SEMA3A: variants seen among roughly 807,000 people sequenced by gnomAD.
SEMA3A encodes the protein semaphorin-3A.
Under a neutral mutation model 97.9 loss-of-function variants are expected in SEMA3A, and 29 were observed. That is an observed-to-expected ratio of 0.30 (90% CI 0.22 to 0.40). The LOEUF (loss-of-function observed/expected upper bound fraction) is 0.40, where lower values mean the gene tolerates loss of function less well. Among genes scored for constraint, SEMA3A ranks in the 10% least tolerant of loss-of-function variants. SEMA3A has a pLI of 1.00. For missense variants in SEMA3A, 763 were observed against 951.3 expected, an observed-to-expected ratio of 0.80 and a Z score of 2.60; for synonymous variants, 321 against 323.7, an observed-to-expected ratio of 0.99 and a Z score of 0.09.
At chr7:84,471,255 A>AC (rs1806138421) in intron 1 of SEMA3A, among the ~76,000 whole-genome samples, 1 of 129,750 alleles carries the variant, frequency 7.7e-6, no homozygotes, top group East Asian at 2.9e-4. Context: ...TGGTTCCCAC[A>AC]CCCCCAACAG....
intron 6 of SEMA3A, among the ~76,000 whole-genome samples, chr7:84,034,722 A>G (rs556364160): frequency 3.9e-5 from 6 of 152,302 alleles, no homozygotes; most frequent in African/African-American, 1.2e-4. Flanking sequence ...GCTTATGACT[A>G]TAATGAAGTA....
chr7:84,351,658 A>G (rs1397621707), intron 2 of SEMA3A, among the ~76,000 whole-genome samples: 1 of 152,126 alleles, frequency 6.6e-6, no homozygotes, highest in Non-Finnish European at 1.5e-5. Context: ...TGAAAATCAA[A>G]ACTAAAATAG....
intron 5 of SEMA3A, among the ~76,000 whole-genome samples, chr7:84,054,784 T>G (rs374290333): frequency 1.4e-5 from 2 of 146,822 alleles, no homozygotes; most frequent in Admixed American, 1.4e-4. Flanking sequence ...GGCGCTCTGC[T>G]TTTTAGAGTT....
At chr7:84,047,186 A>G (rs1792388082) in intron 5 of SEMA3A, among the ~76,000 whole-genome samples, 1 of 152,024 alleles carries the variant, frequency 6.6e-6, no homozygotes. Flanking sequence ...TTTTTGACTC[A>G]TTGCTACTTA....
chr7:84,483,904 T>A (rs1217125312), intron 1 of SEMA3A, among the ~76,000 whole-genome samples: 1 of 151,668 alleles, frequency 6.6e-6, no homozygotes, highest in Non-Finnish European at 1.5e-5. Flanking sequence ...ATCAGCCAGG[T>A]GTGGTGGTGC....
intron 1 of SEMA3A, among the ~76,000 whole-genome samples, chr7:84,190,814 A>C (rs2116266620): frequency 6.7e-6 from 1 of 150,306 alleles, no homozygotes; most frequent in East Asian, 1.9e-4. Context: ...ATTGTGATTC[A>C]GAACTTGTAG....
At chr7:84,287,095 G>T (rs6951886) in intron 3 of SEMA3A, among the ~76,000 whole-genome samples, 8,463 of 151,972 alleles carry the variant, frequency 0.056, 376 homozygotes, top group Non-Finnish European at 0.074. Context: ...AATAAAGTTT[G>T]CATTACCTTA....
intron 4 of SEMA3A, among the ~76,000 whole-genome samples, chr7:84,087,315 C>T (rs1794412264): frequency 6.6e-6 from 1 of 151,942 alleles, no homozygotes; most frequent in Non-Finnish European, 1.5e-5. Context: ...GCAAAAAGTC[C>T]CATCTGCCTG....
In SEMA3A at chr7:84,282,965, GA is replaced by G. The variant is rs1800483482; in HGVS notation, c.-83+24241del. ...GAAGGTGGAGGTTGCAGCGAACAGAGATCACACCACTGCACTCTAGCCTGGG... is the reference window on the plus strand; with the variant it reads ...GAAGGTGGAGGTTGCAGCGAACAGAGTCACACCACTGCACTCTAGCCTGGG... On this transcript the variant is annotated intron_variant, in intron 3 of 3. Coordinates refer to the SEMA3A transcript ENST00000424555. 2.0e-5 allele frequency among the ~76,000 whole-genome samples: 3 copies of G among 152,018 alleles called. No individual in the cohort carries two copies. The East Asian group carries it at 5.8e-4, about 29-fold the overall frequency.
intron 2 of SEMA3A, among the ~76,000 whole-genome samples, chr7:84,134,507 G>T (rs570631451): frequency 6.6e-6 from 1 of 152,116 alleles, no homozygotes; most frequent in Non-Finnish European, 1.5e-5. Flanking sequence ...GTATTGCTAC[G>T]ATGGTTCAAG....
At chr7:84,334,852 CT>C (rs1339500792) in intron 2 of SEMA3A, among the ~76,000 whole-genome samples, 6 of 151,492 alleles carry the variant, frequency 4.0e-5, no homozygotes, top group South Asian at 2.1e-4. Context: ...GGCTCTTCCC[CT>C]GGCCCTGCCT....
In SEMA3A at chr7:84,491,151, T is replaced by C. The variant is rs1584361254; in HGVS notation, c.-246+1309A>G. 2.0e-5 allele frequency among the ~76,000 whole-genome samples: 3 copies of C among 152,238 alleles called. No individual in the cohort carries two copies. The South Asian group carries it at 6.2e-4, about 32-fold the overall frequency. ...CATCAGGATTCTACCGTCATGGCTT[T>C]TAAATCATCATTTTCAATGATGTCC... On this transcript the variant is annotated intron_variant, in intron 1 of 3. Transcript: ENST00000424555.
chr7:84,132,685 T>G (rs1796001729), intron 2 of SEMA3A, among the ~76,000 whole-genome samples: 1 of 138,168 alleles, frequency 7.2e-6, no homozygotes, highest in Admixed American at 7.4e-5. Flanking sequence ...TTTTTTTTTT[T>G]TTTTTTTTGA....
chr7:84,359,349 G>A (rs1282161215), intron 2 of SEMA3A, among the ~76,000 whole-genome samples: 2 of 151,832 alleles, frequency 1.3e-5, no homozygotes, highest in African/African-American at 2.4e-5. Flanking sequence ...TTAGCATGAA[G>A]GGTTGTTGAA....
At chr7:84,045,896 T>G (rs1792329108) in intron 6 of SEMA3A, among the ~76,000 whole-genome samples, 1 of 151,842 alleles carries the variant, frequency 6.6e-6, no homozygotes, top group Non-Finnish European at 1.5e-5. Context: ...TTATTCACAC[T>G]GCAATAACAT....
chr7:84,117,953 A>C (rs1795485781), intron 3 of SEMA3A, among the ~76,000 whole-genome samples: 1 of 152,214 alleles, frequency 6.6e-6, no homozygotes, highest in Admixed American at 6.5e-5. Flanking sequence ...TGGTTATCCA[A>C]TTCTTAAAAT....
chr7:84,341,823 G>C (rs1296056976), intron 2 of SEMA3A, among the ~76,000 whole-genome samples: 1 of 152,070 alleles, frequency 6.6e-6, no homozygotes, highest in Non-Finnish European at 1.5e-5. Flanking sequence ...CCACCTTTCA[G>C]ACTTTGAAAT....
intron 2 of SEMA3A, among the ~76,000 whole-genome samples, chr7:84,337,188 A>T (rs1042103692): frequency 6.6e-6 from 1 of 152,166 alleles, no homozygotes; most frequent in Non-Finnish European, 1.5e-5. Context: ...ACACAGCATT[A>T]ATAAATTTTA....
intron 12 of SEMA3A, among the ~76,000 whole-genome samples, chr7:83,989,321 T>G: frequency 6.6e-6 from 1 of 152,190 alleles, no homozygotes; most frequent in Middle Eastern, 3.4e-3. Flanking sequence ...AGATAAAAAT[T>G]ATTATTTTTT....
Sources: gnomAD v4.1 joint callset for allele counts (sites outside exome capture counted in the v4.1 genomes callset) on GRCh38, gnomAD v4.1.1 for gene constraint, MANE v1.5 for transcripts, NCBI Gene and HGNC (gene_info 2026-07-23, HGNC 2026-07-21) for gene names.